The following THSD4 variants were observed in gnomAD, a reference collection of about 807,000 sequenced individuals.
The protein encoded by THSD4 is thrombospondin type 1 domain containing 4, also known as thrombospondin type-1 domain-containing protein 4.
In THSD4, 69 loss-of-function variants were observed where a neutral mutation model predicts 119.0. The observed-to-expected ratio is 0.58, with a 90% CI of 0.48 to 0.71. The LOEUF (loss-of-function observed/expected upper bound fraction) is 0.71. Among genes scored for constraint, THSD4 ranks in the 30% least tolerant of loss-of-function variants. THSD4 has a pLI of 0.00. For missense variants in THSD4, 1,393 were observed against 1,391.1 expected (o/e 1.00, Z -0.02); for synonymous variants, 524 against 540.4 (o/e 0.97, Z 0.42).
At chr15:71,722,587 C>A (rs957295024) in intron 8 of THSD4, among the ~76,000 whole-genome samples, 2 of 151,976 alleles carry the variant, frequency 1.3e-5, no homozygotes, top group African/African-American at 4.8e-5. Flanking sequence ...TGAATGGGAT[C>A]GTAAGAAGAA....
intron 4 of THSD4, among the ~76,000 whole-genome samples, chr15:71,222,164 T>C (rs369085631): frequency 6.6e-6 from 1 of 152,178 alleles, no homozygotes; most frequent in Non-Finnish European, 1.5e-5. Context: ...CCAGAAAGAC[T>C]CCCTGTGGCC....
At chr15:71,422,501 TAG>T (rs1369773506) in intron 7 of THSD4, among the ~76,000 whole-genome samples, 2 of 152,188 alleles carry the variant, frequency 1.3e-5, no homozygotes, top group African/African-American at 4.8e-5. Flanking sequence ...GATTACCAGG[TAG>T]AGACTGTTGT....
chr15:71,182,051 C>T (rs1307198654), intron 3 of THSD4, among the ~76,000 whole-genome samples: 4 of 152,072 alleles, frequency 2.6e-5, no homozygotes, highest in African/African-American at 9.7e-5. Context: ...GGCTACCAGC[C>T]CCATTTTTTT....
At chr15:71,486,692 T>C (rs1446116883) in intron 7 of THSD4, among the ~76,000 whole-genome samples, 2 of 151,476 alleles carry the variant, frequency 1.3e-5, no homozygotes, top group East Asian at 1.9e-4. Flanking sequence ...TTTAAAAGCT[T>C]CCTTCAGATT....
At chr15:71,491,608 A>C (rs1267853469) in intron 7 of THSD4, among the ~76,000 whole-genome samples, 1 of 152,202 alleles carries the variant, frequency 6.6e-6, no homozygotes, top group East Asian at 1.9e-4. Flanking sequence ...ATGGTGGCTC[A>C]CGCCTGTAAT....
chr15:71,750,340 C>A (rs139990046), intron 14 of THSD4, among the ~76,000 whole-genome samples: 1 of 152,210 alleles, frequency 6.6e-6, no homozygotes, highest in South Asian at 2.1e-4. Flanking sequence ...GGCCACCATG[C>A]ACCTGTTATT....
intron 6 of THSD4, among the ~76,000 whole-genome samples, chr15:71,352,093 T>C (rs2045750729): frequency 6.6e-6 from 1 of 152,216 alleles, no homozygotes; most frequent in African/African-American, 2.4e-5. Flanking sequence ...AAGAAAAGAC[T>C]GCCATGTCCA....
intron 3 of THSD4, among the ~76,000 whole-genome samples, chr15:71,193,439 C>T (rs757605286): frequency 6.6e-6 from 1 of 152,172 alleles, no homozygotes; most frequent in Non-Finnish European, 1.5e-5. Flanking sequence ...CTTGGGATAA[C>T]TGTAATGATA....
intron 11 of THSD4, 183 bp downstream of exon 11, chr15:71,738,190 C>T (rs1211698966): frequency 4.1e-6 from 3 of 732,516 alleles, no homozygotes; most frequent in Non-Finnish European, 6.6e-6. Context: ...TATCGCAGAT[C>T]ATCAGGCATT....
At chr15:71,165,135 G>T (rs2043283673) in intron 3 of THSD4, 1 of 1,607,708 alleles carries the variant, frequency 6.2e-7, no homozygotes, top group African/African-American at 1.3e-5. Context: ...GGCCTCTTGG[G>T]TGCATTGGGA....
chr15:71,305,704 A>T (rs191274440), intron 6 of THSD4, among the ~76,000 whole-genome samples: 1 of 152,290 alleles, frequency 6.6e-6, no homozygotes, highest in African/African-American at 2.4e-5. Flanking sequence ...GTTATTCCGG[A>T]TGGGGACTGA....
At chr15:71,727,571 T>C (rs1345701014) in intron 8 of THSD4, among the ~76,000 whole-genome samples, 40 of 33,646 alleles carry the variant, frequency 1.2e-3, no homozygotes, top group African/African-American at 3.7e-3. Flanking sequence ...TATATATATA[T>C]ATATATATAT....
intron 6 of THSD4, among the ~76,000 whole-genome samples, chr15:71,330,883 C>T (rs2045411460): frequency 6.6e-6 from 1 of 152,192 alleles, no homozygotes; most frequent in African/African-American, 2.4e-5. Context: ...ATAAAACAGA[C>T]ACCAGTCTAC....
intron 6 of THSD4, among the ~76,000 whole-genome samples, chr15:71,399,337 A>C (rs149981179): frequency 2.6e-5 from 4 of 152,266 alleles, no homozygotes; most frequent in Non-Finnish European, 4.4e-5. Context: ...TAGACATATA[A>C]AATTTACAAA....
chr15:71,288,105 CAAAAAAAATGAATTATACAGTCCCACACA>C (rs1567182508), intron 6 of THSD4, among the ~76,000 whole-genome samples: 1 of 151,810 alleles, frequency 6.6e-6, no homozygotes, highest in Non-Finnish European at 1.5e-5. Context: ...AAATGCTTAT[CAAAAAAAATGAATTATACAGTCCCACACA>C]ACCGTTTGCT....
At chr15:71,629,431 G>C (rs2050576124) in intron 7 of THSD4, among the ~76,000 whole-genome samples, 1 of 152,182 alleles carries the variant, frequency 6.6e-6, no homozygotes, top group Admixed American at 6.5e-5. Context: ...AGAAGAGCCA[G>C]TGGGACCCTG....
intron 7 of THSD4, among the ~76,000 whole-genome samples, chr15:71,602,562 AAAAAAAAAAAAAAAAAAAT>A (rs2050032187): frequency 7.3e-6 from 1 of 137,624 alleles, no homozygotes. Flanking sequence ...TCAAAAAAAA[AAAAAAAAAAAAAAAAAAAT>A]GAAAAAGAAA....
intron 6 of THSD4, among the ~76,000 whole-genome samples, chr15:71,310,896 C>T (rs2045102011): frequency 6.6e-6 from 1 of 152,104 alleles, no homozygotes; most frequent in African/African-American, 2.4e-5. Flanking sequence ...ACTTCTGAGG[C>T]CTTCGTTTTG....
At chr15:71,114,307 C>T (rs79814227), upstream of THSD4, among the ~76,000 whole-genome samples, 2,242 of 152,102 alleles carry the variant, frequency 0.015, 58 homozygotes, top group African/African-American at 0.051. Context: ...CTGGTGCTGC[C>T]TGGCTCTGGG....
Sources: gnomAD v4.1 joint callset for allele counts (sites outside exome capture counted in the v4.1 genomes callset) on GRCh38, gnomAD v4.1.1 for gene constraint, MANE v1.5 for transcripts, NCBI Gene and HGNC (gene_info 2026-07-23, HGNC 2026-07-21) for gene names.